MYO10: variants seen among roughly 807,000 people sequenced by gnomAD.
MYO10 encodes myosin X.
A neutral mutation model predicts 257.3 loss-of-function variants in MYO10; 133 were observed. The observed-to-expected ratio is 0.52, with a 90% CI of 0.45 to 0.60. The LOEUF (loss-of-function observed/expected upper bound fraction) is 0.60. Ranked by LOEUF, MYO10 falls within the 20% of genes least tolerant of loss-of-function variation. The pLI, the probability that MYO10 is intolerant of heterozygous loss-of-function variation, is 0.00. For missense variants in MYO10, 2,399 were observed against 2,635.7 expected (o/e 0.91, Z 1.97); for synonymous variants, 1,104 against 1,028.6 (o/e 1.07, Z -1.40).
chr5:16,918,651 C>T (rs1745895218), intron 1 of MYO10, among the ~76,000 whole-genome samples: 1 of 151,980 alleles, frequency 6.6e-6, no homozygotes, highest in Non-Finnish European at 1.5e-5. Context: ...CAGGCATGCA[C>T]CATCACGCCT....
chr5:16,852,597 A>G (rs1008053544), intron 2 of MYO10, among the ~76,000 whole-genome samples: 3 of 151,576 alleles, frequency 2.0e-5, no homozygotes, highest in African/African-American at 7.3e-5. Context: ...ATTATTTTCC[A>G]GGCCCAGACT....
chr5:16,701,861 T>G lies in MYO10; in HGVS notation c.2557-23A>C, dbSNP rs1420999296. 6.4e-7 allele frequency: 1 copy of G among 1,562,466 alleles called. No individual in the cohort carries two copies. The highest frequency in any genetic ancestry group is 8.6e-7 in the Non-Finnish European group (1 of 1,160,616). On this transcript the variant is annotated intron_variant, in intron 24 of 40. Transcript: ENST00000513610. This position sits in a 1 kb window ranked among gnomAD's most constrained non-coding sequence, Gnocchi z 8.1. ...TTCCTGGACAGAAGCAGAAGGGAGA[T>G]TTCAGAAGGCTTCAGTACAAAAGTC...
intron 1 of MYO10, among the ~76,000 whole-genome samples, chr5:16,931,245 T>C (rs1212236403): frequency 1.3e-5 from 2 of 152,148 alleles, no homozygotes; most frequent in Admixed American, 6.6e-5. Flanking sequence ...CTCTCCAGCC[T>C]GGGCAACAAG....
intron 26 of MYO10, among the ~76,000 whole-genome samples, chr5:16,697,026 G>A (rs959661295): frequency 2.7e-4 from 39 of 144,838 alleles, no homozygotes; most frequent in Admixed American, 2.9e-4. Flanking sequence ...AATACTTATT[G>A]GATCAAAGGT....
At chr5:16,849,563 A>G (rs561355574) in intron 2 of MYO10, among the ~76,000 whole-genome samples, 2 of 152,314 alleles carry the variant, frequency 1.3e-5, no homozygotes, top group African/African-American at 4.8e-5. Context: ...TGTTACCAAT[A>G]TATTTCAGGA....
At chr5:16,795,063 C>T (rs904807194) in intron 3 of MYO10, among the ~76,000 whole-genome samples, 4 of 124,774 alleles carry the variant, frequency 3.2e-5, no homozygotes, top group Admixed American at 8.3e-5. Flanking sequence ...GATGGTGAGG[C>T]GGCCCAGGCC....
chr5:16,896,390 G>T (rs984323771), intron 1 of MYO10, among the ~76,000 whole-genome samples: 76 of 152,238 alleles, frequency 5.0e-4, no homozygotes, highest in Non-Finnish European at 4.4e-5. Flanking sequence ...GAGGTCAGGA[G>T]TTGGAGACCA....
rs372677076 is a variant in MYO10, at chr5:16,780,718, G to A, written c.741+10C>T. ...TGGAAGAAAATGTGGATTAAATCAC[G>A]TTTACTTACTTTTTCTAATAAATCT... On this transcript the variant is annotated intron_variant, in intron 7 of 40. Coordinates refer to ENST00000513610, the MANE Select transcript of MYO10 (RefSeq NM_012334.3). The A allele has an allele frequency of 1.7e-5, 26 of 1,570,764 alleles. No individual in the cohort carries two copies. Among genetic ancestry groups the A allele is most frequent in the Admixed American group, 1.3e-4 (7 of 53,538 alleles).
rs36026649 is a variant in MYO10, at chr5:16,701,524, G to A, written c.2871C>T (p.Ile957=). The A allele has an allele frequency of 1.6e-3, 2,624 of 1,613,940 alleles. 39 individuals carry two copies. The African/African-American group carries it at 0.028, about 17-fold the overall frequency. The stretch of plus-strand genomic sequence containing the variant: ...CGCTTCCCACCGACAGGGACCGCTC[G>A]ATATTCCGGACACACTCGTCGATCT... ...FDEIDECVRN[I]ERSLSVGSEF... The change falls in exon 25 of 41, where the codon ATC becomes ATT. Residue 957 remains isoleucine (I), a synonymous_variant. Transcript: ENST00000513610. The surrounding 1 kb of genome is among the most constrained non-coding windows in gnomAD (Gnocchi z 8.1).
Position 16,701,705 on chromosome 5 carries a change from A to C in MYO10, c.2690T>G (p.Ile897Ser). 2 of 1,613,774 alleles carry C rather than the reference A, an allele frequency of 1.2e-6. No individual in the cohort carries two copies. The highest frequency in any genetic ancestry group is 2.2e-5 in the East Asian group (1 of 44,880). ...CTCCTTCATGCGCTGCAGGTCCTCG[A>C]TTTCTTTCTCCAGACGGAGGATCTC... ...VEEILRLEKE[I>S]EDLQRMKEQQ... Residue 897 changes from isoleucine (I) to serine (S), a missense_variant, in exon 25 of 41, where the codon ATC (isoleucine) becomes AGC (serine). Ile to Ser is a moderately radical substitution (Grantham distance 142). This residue lies in a region of MYO10 where 1,820 missense variants were observed against 1,939.4 expected (regional missense o/e 0.94). Coordinates refer to ENST00000513610, the MANE Select transcript of MYO10 (RefSeq NM_012334.3). The surrounding 1 kb of genome is among the most constrained non-coding windows in gnomAD (Gnocchi z 8.1).
At chr5:16,933,298 C>T (rs1159478645) in intron 1 of MYO10, among the ~76,000 whole-genome samples, 2 of 152,126 alleles carry the variant, frequency 1.3e-5, no homozygotes, top group African/African-American at 2.4e-5. Flanking sequence ...ACACACAGGA[C>T]GGCCTCCAAC....
intron 24 of MYO10, among the ~76,000 whole-genome samples, chr5:16,702,103 A>C (rs1267981607): frequency 6.6e-6 from 1 of 152,212 alleles, no homozygotes; most frequent in South Asian, 2.1e-4. Context: ...ACAGGAGACT[A>C]GGTCACACAG....
chr5:16,862,673 G>C (rs911989731), intron 2 of MYO10, among the ~76,000 whole-genome samples: 1 of 152,068 alleles, frequency 6.6e-6, no homozygotes, highest in African/African-American at 2.4e-5. Flanking sequence ...ACAAATTACT[G>C]CCTGGTCGGA....
chr5:16,853,111 C>T (rs752667016), intron 2 of MYO10, among the ~76,000 whole-genome samples: 2 of 152,156 alleles, frequency 1.3e-5, no homozygotes, highest in Admixed American at 1.3e-4. Context: ...CGGCTCACGC[C>T]TGTAATCCCA....
At chr5:16,708,323 G>A (rs918426751) in intron 21 of MYO10, among the ~76,000 whole-genome samples, 2 of 152,156 alleles carry the variant, frequency 1.3e-5, no homozygotes, top group Non-Finnish European at 2.9e-5. Flanking sequence ...CATCCACTGT[G>A]TGTGAATATC....
intron 19 of MYO10, among the ~76,000 whole-genome samples, chr5:16,721,175 G>A (rs1048029705): frequency 6.6e-6 from 1 of 152,130 alleles, no homozygotes; most frequent in African/African-American, 2.4e-5. Context: ...TCCCAGTCCT[G>A]TAACTACTAA....
At position 16,677,416 on chromosome 5, in the gene MYO10, C is replaced by CTTTTTTTTTTTTTTTTTTTTTTTT. The variant is rs796474728; in HGVS notation, c.4543-1263_4543-1262insAAAAAAAAAAAAAAAAAAAAAAAA. Among the ~76,000 whole-genome samples, 8 of 119,380 alleles carry CTTTTTTTTTTTTTTTTTTTTTTTT rather than the reference C, an allele frequency of 6.7e-5. 2 individuals carry two copies. Among genetic ancestry groups the CTTTTTTTTTTTTTTTTTTTTTTTT allele is most frequent in the Non-Finnish European group, 1.2e-4 (7 of 58,014 alleles). 78.3% of individuals were successfully genotyped at this position (119,380 alleles called of 152,430 possible). On this transcript the variant is annotated intron_variant, in intron 33 of 40. Transcript: ENST00000513610. ...ATGGACTTATTTAGGGTAACTTGACCTTTTTTTTTTTTTTTTTGAGACGGA... is the reference window on the plus strand; with the variant it reads ...ATGGACTTATTTAGGGTAACTTGACCTTTTTTTTTTTTTTTTTTTTTTTTTTTTTTTTTTTTTTTTTGAGACGGA...
rs1741432143 is a variant in MYO10, at chr5:16,781,779, G to C, written c.653C>G (p.Ser218Cys). The change falls in exon 6 of 41, where the codon TCT becomes TGT. Residue 218 changes from serine to cysteine, a missense_variant. Ser to Cys is a moderately radical substitution (Grantham distance 112, BLOSUM62 -1). Transcript: ENST00000513610. ...GNAKTVYNNNSSRFGKFVQLN... is the reference protein window; with the variant it reads ...GNAKTVYNNNCSRFGKFVQLN... ...CTGAACAAACTTCCCAAAGCGACTA[G>C]AGTTGTTGTTGTACACGGTCTTCGC... 1 of 1,613,838 alleles carries C rather than the reference G, an allele frequency of 6.2e-7. No homozygotes were observed. The highest frequency in any genetic ancestry group is 1.7e-5 in the Admixed American group (1 of 59,988).
chr5:16,764,655 C>A (rs1436797390), intron 11 of MYO10, among the ~76,000 whole-genome samples: 2 of 152,176 alleles, frequency 1.3e-5, no homozygotes, highest in East Asian at 3.9e-4. Context: ...AGAATCTAAA[C>A]CATATATACA....
Sources: allele counts gnomAD v4.1 joint callset (sites outside exome capture counted in the v4.1 genomes callset), GRCh38; gene constraint gnomAD v4.1.1; regional missense constraint gnomAD v4.1.1; non-coding constraint Gnocchi (gnomAD v3.1); transcripts MANE v1.5; gene names NCBI Gene and HGNC (gene_info 2026-07-23, HGNC 2026-07-21).